The following ABCA13 variants were observed in gnomAD, a reference collection of about 807,000 sequenced individuals.
ABCA13 encodes the protein ATP-binding cassette sub-family A member 13.
ABCA13 carries 476 observed loss-of-function variants against 478.7 expected under a neutral mutation model. The ratio of observed to expected loss-of-function variants is 0.99; its 90% CI spans 0.92 to 1.07. The LOEUF (loss-of-function observed/expected upper bound fraction) is 1.07, where lower values mean the gene tolerates loss of function less well. Among genes scored for constraint, ABCA13 ranks in the 50% least tolerant of loss-of-function variants. ABCA13 has a pLI of 0.00. For synonymous variants in ABCA13, 2,252 were observed against 2,158.9 expected, an observed-to-expected ratio of 1.04 and a Z score of -1.20; for missense variants, 6,060 against 5,910.6, an observed-to-expected ratio of 1.03 and a Z score of -0.83.
chr7:48,366,051 GA>G (rs956143987), intron 31 of ABCA13, among the ~76,000 whole-genome samples: 2 of 151,750 alleles, frequency 1.3e-5, no homozygotes, highest in African/African-American at 2.4e-5. Flanking sequence ...CTATCTTGAG[GA>G]AAAAAAATGA....
At chr7:48,222,520 A>T (rs1787519009) in intron 5 of ABCA13, among the ~76,000 whole-genome samples, 1 of 152,216 alleles carries the variant, frequency 6.6e-6, no homozygotes, top group Non-Finnish European at 1.5e-5. Flanking sequence ...AATGATGGAT[A>T]ATTCAAATTT....
Position 48,298,370 on chromosome 7 carries a change from A to G in ABCA13, c.9204A>G (p.Val3068=), listed in dbSNP as rs1562996111. ...CTTATTTTCCTTACTTTGCAGATGT[A>G]AAAATAAAAGATTTGATGAAGAATA... ...FLSNFTVTED[V]KIKDLMKNIT... is the part of the protein sequence containing the mutation. Residue 3068 remains valine (V), a synonymous_variant, in exon 23 of 62, where the codon GTA becomes GTG. Coordinates refer to ENST00000435803, the MANE Select transcript of ABCA13 (RefSeq NM_152701.5). 2 of 1,605,890 alleles carry G rather than the reference A, an allele frequency of 1.2e-6. No homozygotes were observed. Among genetic ancestry groups the G allele is most frequent in the Non-Finnish European group, 1.7e-6 (2 of 1,176,996 alleles).
intron 55 of ABCA13, among the ~76,000 whole-genome samples, chr7:48,531,454 G>A (rs1833224492): frequency 6.6e-6 from 1 of 152,078 alleles, no homozygotes; most frequent in South Asian, 2.1e-4. Context: ...TTTTTGCTTA[G>A]CAATTGCTTT....
rs568771390 is a variant in ABCA13 at position 48,386,645 on chromosome 7, T to C, written c.11336-1177T>C. 3.9e-5 allele frequency among the ~76,000 whole-genome samples: 6 copies of C among 152,342 alleles called. No homozygotes were observed. The South Asian group carries it at 1.2e-3, about 32-fold the overall frequency. ...AACAAGCAATGGGGAAAGGATTTTA[T>C]ATTTAATAAATGGTATGGGGATAAC... On this transcript the variant is annotated intron_variant, in intron 35 of 61. Transcript: ENST00000435803.
At chr7:48,497,025 A>G (rs1830337901) in intron 48 of ABCA13, among the ~76,000 whole-genome samples, 1 of 151,862 alleles carries the variant, frequency 6.6e-6, no homozygotes, top group Non-Finnish European at 1.5e-5. Flanking sequence ...ACACTTTTTC[A>G]GCCCCACTCT....
intron 55 of ABCA13, among the ~76,000 whole-genome samples, chr7:48,573,628 G>A (rs1035787063): frequency 1.3e-5 from 2 of 152,102 alleles, no homozygotes; most frequent in African/African-American, 2.4e-5. Flanking sequence ...GAGCTACTTG[G>A]GAGGCTGAGG....
At chr7:48,644,806 C>A in intron 61 of ABCA13, 52 bp downstream of exon 61, 2 of 1,456,510 alleles carry the variant, frequency 1.4e-6, no homozygotes, top group South Asian at 1.6e-5. Flanking sequence ...GTTCATCAGA[C>A]CTAATGTAGC....
At chr7:48,394,097 A>G (rs1816476194) in intron 38 of ABCA13, among the ~76,000 whole-genome samples, 1 of 152,192 alleles carries the variant, frequency 6.6e-6, no homozygotes, top group Non-Finnish European at 1.5e-5. Context: ...AAATGTACCC[A>G]GGTCCTGGCC....
chr7:48,428,713 G>A (rs1026733780), intron 42 of ABCA13, among the ~76,000 whole-genome samples: 1 of 152,174 alleles, frequency 6.6e-6, no homozygotes, highest in Non-Finnish European at 1.5e-5. Context: ...TAGATGTGTA[G>A]TAGTTTCTCA....
chr7:48,392,267 G>T, intron 38 of ABCA13, 128 bp downstream of exon 38: 1 of 899,052 alleles, frequency 1.1e-6, no homozygotes, highest in Non-Finnish European at 1.7e-6. Flanking sequence ...TTAGCAAATG[G>T]TTGTTAACTA....
rs1193361090 is a variant in ABCA13, at chr7:48,403,599, T to C, written c.11874-84T>C. 2.9e-6 allele frequency: 4 copies of C among 1,366,298 alleles called. No homozygotes were observed. In the Admixed American group the frequency reaches 5.9e-5, roughly 20 times the overall value. The allele number at this position is 1,366,298 out of a possible 1,614,324, so 84.6% of individuals were successfully genotyped here. ...TGTGGTTTATAACGATTTCAGCCAC[T>C]GTTAGTCATTATTTCTGGAGTGAAA... On this transcript the variant is annotated intron_variant, in intron 38 of 61. Transcript: ENST00000435803.
chr7:48,187,525 T>C (rs545747045), intron 1 of ABCA13, among the ~76,000 whole-genome samples: 2 of 152,114 alleles, frequency 1.3e-5, no homozygotes, highest in African/African-American at 4.8e-5. Flanking sequence ...CAATTTTCCT[T>C]ATGTTGTATA....
At chr7:48,410,908 A>G (rs1278777139) in intron 40 of ABCA13, among the ~76,000 whole-genome samples, 4 of 152,236 alleles carry the variant, frequency 2.6e-5, no homozygotes, top group Admixed American at 6.5e-5. Context: ...ATTACCTGAT[A>G]GATAACAGGA....
At chr7:48,537,942 A>G (rs536807816) in intron 55 of ABCA13, among the ~76,000 whole-genome samples, 1 of 152,308 alleles carries the variant, frequency 6.6e-6, no homozygotes, top group South Asian at 2.1e-4. Flanking sequence ...AATGAAGGTC[A>G]TAGAACTGAA....
At chr7:48,513,094 G>A (rs1831833392) in intron 51 of ABCA13, among the ~76,000 whole-genome samples, 1 of 152,176 alleles carries the variant, frequency 6.6e-6, no homozygotes, top group African/African-American at 2.4e-5. Context: ...CCCGGTCTGG[G>A]GAACTGCTGT....
At position 48,299,296 on chromosome 7, in the gene ABCA13, A is replaced by G. The variant is rs139572299; in HGVS notation, c.9321+809A>G. Among the ~76,000 whole-genome samples, 148 of 152,292 alleles carry G rather than the reference A, an allele frequency of 9.7e-4. 1 individual carries two copies. The highest frequency in any genetic ancestry group is 3.2e-3 in the African/African-American group (135 of 41,560). ...CCAACACACGTTTAATATCATGTCA[A>G]TTCTGGTTAATTGGGGCTTATTGCA... is the stretch of plus-strand genomic sequence containing the variant. On this transcript the variant is annotated intron_variant, in intron 23 of 61. Coordinates refer to ENST00000435803, the MANE Select transcript of ABCA13 (RefSeq NM_152701.5).
At chr7:48,582,242 C>T (rs369713511) in intron 56 of ABCA13, among the ~76,000 whole-genome samples, 4 of 152,172 alleles carry the variant, frequency 2.6e-5, no homozygotes, top group African/African-American at 9.7e-5. Context: ...TTGACTAAGA[C>T]ATTACTCTGA....
intron 57 of ABCA13, among the ~76,000 whole-genome samples, chr7:48,588,182 C>T (rs553819587): frequency 2.0e-5 from 3 of 152,272 alleles, no homozygotes; most frequent in African/African-American, 7.2e-5. Flanking sequence ...CCTGAATATT[C>T]TTTTTAGGTA....
At position 48,317,172 on chromosome 7, in the gene ABCA13, A is replaced by T. The variant is rs750360443; in HGVS notation, c.9875A>T (p.Lys3292Met). ...IPEDSTPFCLKLYQEILQLPN... is the reference protein window; with the variant it reads ...IPEDSTPFCLMLYQEILQLPN... ...ATTGCAACAGCACCGTTTTGCTTGA[A>T]GCTTTATCAGGAAATTCTACAATTG... is the stretch of plus-strand genomic sequence containing the variant. The change falls in exon 27 of 62, where the codon AAG (lysine) becomes ATG (methionine). Residue 3292 changes from lysine to methionine, a missense_variant. This residue lies in a region of ABCA13 where 4,423 missense variants were observed against 4,309.1 expected (regional missense o/e 1.03). Coordinates refer to ENST00000435803, the MANE Select transcript of ABCA13 (RefSeq NM_152701.5). The T allele has an allele frequency of 3.7e-6, 6 of 1,611,914 alleles. No individual in the cohort carries two copies. Among genetic ancestry groups the T allele is most frequent in the Admixed American group, 1.7e-5 (1 of 59,744 alleles).
Sources: gnomAD v4.1 joint callset for allele counts (sites outside exome capture counted in the v4.1 genomes callset) on GRCh38, gnomAD v4.1.1 for gene constraint, gnomAD v4.1.1 regional missense constraint, MANE v1.5 for transcripts, NCBI Gene and HGNC (gene_info 2026-07-23, HGNC 2026-07-21) for gene names.